The following HMOX2 variants were observed in gnomAD, a reference collection of about 807,000 sequenced individuals.
HMOX2 encodes heme oxygenase (decycling) 2.
Under a neutral mutation model 33.7 loss-of-function variants are expected in HMOX2, and 30 were observed. That is an observed-to-expected ratio of 0.89 (90% CI 0.67 to 1.21). The LOEUF is 1.21. Among genes scored for constraint, HMOX2 ranks in the 50% most tolerant of loss-of-function variants. The probability of loss-of-function intolerance (pLI) is 0.00; values close to 1 mark genes in which losing one functional copy is unlikely to be tolerated. For missense variants in HMOX2, 403 were observed against 399.1 expected (o/e 1.01, Z -0.08); for synonymous variants, 155 against 155.0 (o/e 1.00, Z 0.00).
chr16:4,492,405 A>G (rs1187829332), intron 1 of HMOX2, among the ~76,000 whole-genome samples: 2 of 152,076 alleles, frequency 1.3e-5, no homozygotes, highest in East Asian at 3.8e-4. Flanking sequence ...GTCATGAAGA[A>G]TCTCCATTTT....
At chr16:4,485,285 T>C (rs2058139362) in intron 1 of HMOX2, among the ~76,000 whole-genome samples, 1 of 152,198 alleles carries the variant, frequency 6.6e-6, no homozygotes, top group Middle Eastern at 3.4e-3. Flanking sequence ...ATATTTTTAA[T>C]CTGAGGTTGG....
At chr16:4,478,022 T>C (rs778885361) in intron 1 of HMOX2, among the ~76,000 whole-genome samples, 1 of 152,206 alleles carries the variant, frequency 6.6e-6, no homozygotes, top group African/African-American at 2.4e-5. Flanking sequence ...GAAAAAGTTA[T>C]CAGATAAAAC....
intron 1 of HMOX2, among the ~76,000 whole-genome samples, chr16:4,500,851 G>C (rs527475684): frequency 6.6e-6 from 1 of 152,284 alleles, no homozygotes; most frequent in Admixed American, 6.5e-5. Flanking sequence ...AAGTAACTGT[G>C]ATAGGAACTT....
intron 1 of HMOX2, among the ~76,000 whole-genome samples, chr16:4,501,612 A>G (rs1363767757): frequency 6.6e-6 from 1 of 152,154 alleles, no homozygotes; most frequent in Non-Finnish European, 1.5e-5. Context: ...CTTCTTGTGG[A>G]TATTAGACAT....
intron 1 of HMOX2, among the ~76,000 whole-genome samples, chr16:4,485,113 C>G (rs531008376): frequency 1.4e-4 from 22 of 152,030 alleles, no homozygotes; most frequent in African/African-American, 5.1e-4. Flanking sequence ...TTACAGGTGC[C>G]TGCCACAACC....
intron 1 of HMOX2, chr16:4,488,815 C>G (rs889818325): frequency 7.0e-6 from 1 of 142,928 alleles, no homozygotes; most frequent in African/African-American, 2.6e-5. Flanking sequence ...AAAAATGTGC[C>G]TGTACATTTC....
intron 4 of HMOX2, among the ~76,000 whole-genome samples, chr16:4,509,078 C>T (rs565191114): frequency 3.3e-5 from 5 of 152,310 alleles, no homozygotes; most frequent in Non-Finnish European, 5.9e-5. Context: ...TGTAGCCAGG[C>T]GCAGTAGCTC....
At chr16:4,479,338 T>G (rs1186521537) in intron 1 of HMOX2, 1 of 152,210 alleles carries the variant, frequency 6.6e-6, no homozygotes, top group East Asian at 1.9e-4. Flanking sequence ...ATTGGGATTA[T>G]GACTAGGAAT....
chr16:4,491,016 G>A lies in HMOX2; in HGVS notation c.-41-14468G>A, dbSNP rs531125381. On this transcript the variant is annotated intron_variant, in intron 1 of 5. Coordinates refer to ENST00000570646, the MANE Select transcript of HMOX2 (RefSeq NM_002134.4). ...CCACTATTGTCAGTAGCACACTCCCGTCTTTCAGTTGTGACAACTAAATAT... is the reference window on the plus strand; with the variant it reads ...CCACTATTGTCAGTAGCACACTCCCATCTTTCAGTTGTGACAACTAAATAT... Among the ~76,000 whole-genome samples, 13 of 152,276 alleles carry A rather than the reference G, an allele frequency of 8.5e-5. No individual in the cohort carries two copies. The East Asian group carries it at 1.7e-3, about 20-fold the overall frequency.
chr16:4,494,978 T>G (rs993081212), intron 1 of HMOX2, among the ~76,000 whole-genome samples: 1 of 152,038 alleles, frequency 6.6e-6, no homozygotes, highest in Non-Finnish European at 1.5e-5. Context: ...TCAAGACCAG[T>G]CTCGGTTTGA....
intron 1 of HMOX2, among the ~76,000 whole-genome samples, chr16:4,480,196 C>T (rs1254725031): frequency 6.8e-6 from 1 of 146,738 alleles, no homozygotes; most frequent in Non-Finnish European, 1.5e-5. Context: ...TACAGGCATG[C>T]ACCACCATGC....
At chr16:4,484,033 G>T (rs1347190990) in intron 1 of HMOX2, among the ~76,000 whole-genome samples, 1 of 144,816 alleles carries the variant, frequency 6.9e-6, no homozygotes, top group Non-Finnish European at 1.5e-5. Flanking sequence ...GGAGTGCAGT[G>T]GTGCGATCTC....
upstream of HMOX2, chr16:4,474,817 C>G (rs1441337909): frequency 1.3e-5 from 2 of 152,320 alleles, no homozygotes; most frequent in Admixed American, 6.5e-5. Context: ...AAAATTACCT[C>G]TTTATCTTGC....
intron 1 of HMOX2, among the ~76,000 whole-genome samples, chr16:4,485,244 G>C (rs2058138162): frequency 6.6e-6 from 1 of 152,124 alleles, no homozygotes; most frequent in South Asian, 2.1e-4. Flanking sequence ...ATGATTACAG[G>C]GGTGAGCCAC....
At chr16:4,482,144 A>G (rs1371383287) in intron 1 of HMOX2, among the ~76,000 whole-genome samples, 2 of 152,142 alleles carry the variant, frequency 1.3e-5, no homozygotes, top group Non-Finnish European at 2.9e-5. Context: ...TCTACCATAT[A>G]CTTGAGAATT....
intron 1 of HMOX2, among the ~76,000 whole-genome samples, chr16:4,490,165 A>G (rs2058271086): frequency 6.6e-6 from 1 of 152,244 alleles, no homozygotes; most frequent in Admixed American, 6.5e-5. Context: ...GGTAGCTCTG[A>G]ATATAATATC....
At chr16:4,482,344 CA>C (rs1158833827) in intron 1 of HMOX2, among the ~76,000 whole-genome samples, 1 of 152,022 alleles carries the variant, frequency 6.6e-6, no homozygotes, top group Non-Finnish European at 1.5e-5. Flanking sequence ...TTGAGAAAGG[CA>C]AAAAAACCCA....
chr16:4,489,426 A>C (rs1170068930), intron 1 of HMOX2, among the ~76,000 whole-genome samples: 2 of 152,132 alleles, frequency 1.3e-5, no homozygotes, highest in South Asian at 2.1e-4. Context: ...CTGGGACCAC[A>C]AGCACTCACC....
At chr16:4,487,756 C>G (rs1175524878) in intron 1 of HMOX2, among the ~76,000 whole-genome samples, 1 of 149,170 alleles carries the variant, frequency 6.7e-6, no homozygotes, top group Admixed American at 6.7e-5. Context: ...GCTGAGAACA[C>G]CAGCCTGGGA....
Sources: allele counts gnomAD v4.1 joint callset (sites outside exome capture counted in the v4.1 genomes callset), GRCh38; gene constraint gnomAD v4.1.1; transcripts MANE v1.5; gene names NCBI Gene and HGNC (gene_info 2026-07-23, HGNC 2026-07-21).